ANKRD36B: variants seen among roughly 807,000 people sequenced by gnomAD.
The protein encoded by ANKRD36B is ankyrin repeat domain-containing protein 36B.
ANKRD36B carries 37 observed loss-of-function variants against 135.7 expected under a neutral mutation model. The observed-to-expected ratio is 0.27, with a 90% CI of 0.21 to 0.36. ANKRD36B has a LOEUF of 0.36. Ranked by LOEUF, ANKRD36B falls within the 10% of genes least tolerant of loss-of-function variation. The probability of loss-of-function intolerance (pLI) is 1.00; values close to 1 mark genes in which losing one functional copy is unlikely to be tolerated. For missense variants in ANKRD36B, 549 were observed against 1,037.1 expected (o/e 0.53, Z 6.46); for synonymous variants, 179 against 348.1 (o/e 0.51, Z 5.41).
At chr2:97,534,080 TA>T (rs2104476701) in intron 34 of ANKRD36B, among the ~76,000 whole-genome samples, 1 of 92,370 alleles carries the variant, frequency 1.1e-5, no homozygotes, top group Non-Finnish European at 2.9e-5. Flanking sequence ...AAGTGTATAA[TA>T]AGCTTTCAAT....
Position 97,534,270 on chromosome 2 carries a change from C to T in ANKRD36B, c.2192-1886G>A, listed in dbSNP as rs1449663253. 2.2e-4 allele frequency among the ~76,000 whole-genome samples: 21 copies of T among 94,698 alleles called. 9 individuals are homozygous for T. The highest frequency in any genetic ancestry group is 8.4e-4 in the Admixed American group (9 of 10,722). 62.1% of individuals were successfully genotyped at this position (94,698 alleles called of 152,430 possible). A position where few individuals can be genotyped will look rare whatever the true frequency, so the allele number is the denominator to read the frequency against. On this transcript the variant is annotated intron_variant, in intron 34 of 43. Coordinates refer to ENST00000359901, the MANE Select transcript of ANKRD36B (RefSeq NM_001393939.1). Reference sequence around the variant, plus strand: ...TGATATACCATGCTAATCTCTAAGGCACTTTCATGGAACTGTGATCTTATT... The same window carrying T: ...TGATATACCATGCTAATCTCTAAGGTACTTTCATGGAACTGTGATCTTATT...
At chr2:97,551,523 G>A (rs1001707605) in intron 16 of ANKRD36B, 43 bp from the exon 17 acceptor site, 1 of 1,605,832 alleles carries the variant, frequency 6.2e-7, no homozygotes, top group Non-Finnish European at 8.5e-7. Context: ...ATGTAACTAT[G>A]ACAAAGTTAT....
At chr2:97,559,466 A>C (rs2080830791) in intron 8 of ANKRD36B, among the ~76,000 whole-genome samples, 1 of 151,908 alleles carries the variant, frequency 6.6e-6, no homozygotes, top group African/African-American at 2.4e-5. Context: ...AATTCAGTTA[A>C]ATGTACACTT....
chr2:97,493,693 T>G (rs2077270731), intron 43 of ANKRD36B, among the ~76,000 whole-genome samples: 1 of 38,598 alleles, frequency 2.6e-5, no homozygotes, highest in African/African-American at 6.4e-5. Flanking sequence ...AGCTGAGCAG[T>G]AAAAGACATG....
At chr2:97,561,305 CTTGA>C (rs2081002720) in intron 6 of ANKRD36B, among the ~76,000 whole-genome samples, 1 of 151,908 alleles carries the variant, frequency 6.6e-6, no homozygotes. Context: ...TGCTTTTTAA[CTTGA>C]TTGATCAGTG....
intron 5 of ANKRD36B, among the ~76,000 whole-genome samples, chr2:97,578,006 A>C (rs2082336218): frequency 6.6e-6 from 1 of 151,964 alleles, no homozygotes; most frequent in Admixed American, 6.6e-5. Flanking sequence ...GTTTAGAACT[A>C]TCCTAACTAA....
intron 6 of ANKRD36B, among the ~76,000 whole-genome samples, chr2:97,573,097 T>C (rs1368828166): frequency 3.9e-5 from 6 of 152,056 alleles, no homozygotes; most frequent in Non-Finnish European, 7.4e-5. Context: ...CGGTGGGTGA[T>C]GTTCCCCTTC....
intron 14 of ANKRD36B, 143 bp downstream of exon 14, chr2:97,554,917 A>G: frequency 1.8e-6 from 2 of 1,103,774 alleles, no homozygotes; most frequent in Non-Finnish European, 2.7e-6. Flanking sequence ...GCATCACCCG[A>G]GAACTTATTA....
intron 30 of ANKRD36B, among the ~76,000 whole-genome samples, chr2:97,539,279 A>C (rs1216632175): frequency 1.0e-5 from 1 of 97,162 alleles, no homozygotes; most frequent in Non-Finnish European, 2.7e-5. Flanking sequence ...TTTTATCCAA[A>C]GTTAGCTAAT....
At chr2:97,573,536 T>G (rs2082026844) in intron 6 of ANKRD36B, among the ~76,000 whole-genome samples, 1 of 152,062 alleles carries the variant, frequency 6.6e-6, no homozygotes, top group Non-Finnish European at 1.5e-5. Context: ...TGGAAAAAAC[T>G]ACTTTAAAGT....
chr2:97,544,372 C>A (rs796442787), intron 24 of ANKRD36B, among the ~76,000 whole-genome samples: 1 of 95,420 alleles, frequency 1.0e-5, no homozygotes, highest in South Asian at 2.4e-4. Flanking sequence ...CAAGAAATCA[C>A]AAGGATTTAC....
At chr2:97,577,300 T>C (rs930094563) in intron 5 of ANKRD36B, among the ~76,000 whole-genome samples, 2 of 131,560 alleles carry the variant, frequency 1.5e-5, no homozygotes, top group Non-Finnish European at 3.3e-5. Flanking sequence ...CCTACTTTCA[T>C]TTTTTTTAAG....
chr2:97,555,325 G>C, intron 12 of ANKRD36B, 71 bp from the exon 13 acceptor site: 1 of 1,595,834 alleles, frequency 6.3e-7, no homozygotes, highest in Admixed American at 1.7e-5. Flanking sequence ...TTCATGAAAT[G>C]TTAGCATCAA....
intron 6 of ANKRD36B, among the ~76,000 whole-genome samples, chr2:97,569,671 A>AT (rs2081697322): frequency 6.6e-6 from 1 of 152,014 alleles, no homozygotes; most frequent in Non-Finnish European, 1.5e-5. Flanking sequence ...TATGTGAAAA[A>AT]TCTCTTTAGG....
intron 39 of ANKRD36B, among the ~76,000 whole-genome samples, chr2:97,510,593 ATAATTTGAGATT>A (rs2077481765): frequency 3.0e-5 from 1 of 33,848 alleles, no homozygotes; most frequent in African/African-American, 9.6e-5. Context: ...ATATCTATAC[ATAATTTGAGATT>A]GAAATAGTTT....
chr2:97,559,278 T>C (rs901973871), intron 8 of ANKRD36B, among the ~76,000 whole-genome samples: 5 of 151,788 alleles, frequency 3.3e-5, no homozygotes, highest in African/African-American at 1.2e-4. Flanking sequence ...ATATGCCGAG[T>C]GATGAGGACA....
At chr2:97,578,141 G>A (rs1351881568) in intron 5 of ANKRD36B, among the ~76,000 whole-genome samples, 1 of 152,238 alleles carries the variant, frequency 6.6e-6, no homozygotes, top group African/African-American at 2.4e-5. Context: ...AATTTGCTCC[G>A]TATGTGTGTT....
chr2:97,549,993 C>A (rs1576940008), intron 18 of ANKRD36B, among the ~76,000 whole-genome samples: 3 of 151,850 alleles, frequency 2.0e-5, no homozygotes, highest in East Asian at 3.9e-4. Context: ...GTCTTTCATG[C>A]AACAAATCAA....
intron 34 of ANKRD36B, among the ~76,000 whole-genome samples, chr2:97,535,388 C>A (rs1218214638): frequency 2.9e-5 from 3 of 104,134 alleles, no homozygotes; most frequent in African/African-American, 8.1e-5. Flanking sequence ...ACCATGATGT[C>A]ATTATTACAC....
Sources: allele counts gnomAD v4.1 joint callset (sites outside exome capture counted in the v4.1 genomes callset), GRCh38; gene constraint gnomAD v4.1.1; transcripts MANE v1.5; gene names NCBI Gene and HGNC (gene_info 2026-07-23, HGNC 2026-07-21).